Variants in NCS1 observed in about 807,000 individuals in gnomAD.
NCS1 encodes the protein neuronal calcium sensor 1.
A neutral mutation model predicts 28.4 loss-of-function variants in NCS1; 6 were observed. The ratio of observed to expected loss-of-function variants is 0.21; its 90% CI spans 0.12 to 0.42. The LOEUF is 0.42. Ranked by LOEUF, NCS1 falls within the 10% of genes least tolerant of loss-of-function variation. The probability of loss-of-function intolerance (pLI) is 1.00; values close to 1 mark genes in which losing one functional copy is unlikely to be tolerated. For synonymous variants in NCS1, 86 were observed against 99.3 expected, an observed-to-expected ratio of 0.87 and a Z score of 0.79; for missense variants, 131 against 241.4, an observed-to-expected ratio of 0.54 and a Z score of 3.03.
In NCS1 at chr9:130,226,369, C is replaced by T; in HGVS notation, c.475-20C>T. On this transcript the variant is annotated intron_variant, in intron 6 of 7. Coordinates refer to ENST00000372398, the MANE Select transcript of NCS1 (RefSeq NM_014286.4). The surrounding 1 kb of genome is among the most constrained non-coding windows in gnomAD (Gnocchi z 4.8). Reference sequence around the variant, plus strand: ...CTCCTGGGAGGCCCTGCACCCTCAGCCGCCTCTCTCTGCTCACAGAATGCC... The same window carrying T: ...CTCCTGGGAGGCCCTGCACCCTCAGTCGCCTCTCTCTGCTCACAGAATGCC... The T allele has an allele frequency of 6.2e-7, 1 of 1,606,292 alleles. No individual in the cohort carries two copies.
rs1404312259 is a variant in NCS1, at chr9:130,186,700, C to G, written c.64+13973C>G. The stretch of plus-strand genomic sequence containing the variant: ...CACACGGTCACATCTAATGTCATGG[C>G]CAGTAGAGCAGGGAGCCCTCTGGAT... On this transcript the variant is annotated intron_variant, in intron 1 of 7. Transcript: ENST00000372398. The surrounding 1 kb of genome is among the most constrained non-coding windows in gnomAD (Gnocchi z 4.1). 6.6e-6 allele frequency among the ~76,000 whole-genome samples: 1 copy of G among 152,160 alleles called. No homozygotes were observed. The highest frequency in any genetic ancestry group is 2.4e-5 in the African/African-American group (1 of 41,434).
intron 4 of NCS1, among the ~76,000 whole-genome samples, 183 bp from the exon 5 acceptor site, chr9:130,222,467 C>T (rs1554910702): frequency 6.6e-6 from 1 of 151,692 alleles, no homozygotes; most frequent in African/African-American, 2.4e-5. Flanking sequence ...TTTTTTTAAC[C>T]CTAGTTGCAA....
At chr9:130,225,048 C>T (rs562991085) in intron 6 of NCS1, among the ~76,000 whole-genome samples, 13 of 152,182 alleles carry the variant, frequency 8.5e-5, no homozygotes, top group East Asian at 3.9e-4. Context: ...AAAAATTAGC[C>T]GGGTGTGGTG....
rs1564714372 is a variant in NCS1, at chr9:130,223,031, G to T, written c.397-51G>T. ...CTGGGGGGCAAATGCGTGGCCAAGA[G>T]CCCAAAGCCCAGAGTGCCAGGGCCC... On this transcript the variant is annotated intron_variant, in intron 5 of 7. Transcript: ENST00000372398. The T allele has an allele frequency of 2.6e-6, 4 of 1,527,214 alleles. No individual in the cohort carries two copies. In the South Asian group the frequency reaches 4.5e-5, roughly 17 times the overall value. 94.6% of individuals were successfully genotyped at this position (1,527,214 alleles called of 1,614,324 possible).
At position 130,215,972 on chromosome 9, in the gene NCS1, C is replaced by T. The variant is rs1241690430; in HGVS notation, c.90-1860C>T. ...CTCCTCCCCTCAACCGCCCTCACTC[C>T]GGCAGCAGCAGCCACAGTACTGGCA... On this transcript the variant is annotated intron_variant, in intron 2 of 7. Coordinates refer to ENST00000372398, the MANE Select transcript of NCS1 (RefSeq NM_014286.4). The surrounding 1 kb of genome is among the most constrained non-coding windows in gnomAD (Gnocchi z 4.2). Among the ~76,000 whole-genome samples the T allele has an allele frequency of 6.6e-6, 1 of 152,188 alleles. No homozygotes were observed. The highest frequency in any genetic ancestry group is 2.4e-5 in the African/African-American group (1 of 41,444).
chr9:130,217,142 G>C (rs1554909521), intron 2 of NCS1, among the ~76,000 whole-genome samples: 1 of 152,236 alleles, frequency 6.6e-6, no homozygotes. Context: ...GCGTTTGCTT[G>C]AGGCTGTACA....
chr9:130,209,350 G>T lies in NCS1; in HGVS notation c.89+8368G>T, dbSNP rs1203786628. Among the ~76,000 whole-genome samples, 1 of 152,246 alleles carries T rather than the reference G, an allele frequency of 6.6e-6. No homozygotes were observed. The highest frequency in any genetic ancestry group is 1.5e-5 in the Non-Finnish European group (1 of 68,046). ...ACTGAGAGTGGCAAATTCGGGGGAA[G>T]TCCTAGAGGACCGGGGCGTTTGGGA... On this transcript the variant is annotated intron_variant, in intron 2 of 7. Transcript: ENST00000372398. This position sits in a 1 kb window ranked among gnomAD's most constrained non-coding sequence, Gnocchi z 4.4.
chr9:130,219,188 A>C lies in NCS1; in HGVS notation c.229-537A>C, dbSNP rs1346177504. Among the ~76,000 whole-genome samples the C allele has an allele frequency of 2.0e-5, 3 of 151,900 alleles. No individual in the cohort carries two copies. The highest frequency in any genetic ancestry group is 2.0e-4 in the Admixed American group (3 of 15,252). On this transcript the variant is annotated intron_variant, in intron 3 of 7. Transcript: ENST00000372398. The surrounding 1 kb of genome is among the most constrained non-coding windows in gnomAD (Gnocchi z 5.7). ...TGTCTCTGTACCCCCTGCTGCTGGC[A>C]CCGTGGAGGTTTCTATTCTATCCCA...
In NCS1 at chr9:130,186,005, C is replaced by T. The variant is rs1233824239; in HGVS notation, c.64+13278C>T. On this transcript the variant is annotated intron_variant, in intron 1 of 7. Transcript: ENST00000372398. This position sits in a 1 kb window ranked among gnomAD's most constrained non-coding sequence, Gnocchi z 4.1. ...TCAGGTTCTGTGGAGCTGGGGACGG[C>T]CTTGAGAAGAGATCTAGGTGCATCT... is the stretch of plus-strand genomic sequence containing the variant. Among the ~76,000 whole-genome samples the T allele has an allele frequency of 1.2e-4, 18 of 152,356 alleles. No individual in the cohort carries two copies. The highest frequency in any genetic ancestry group is 5.9e-4 in the Admixed American group (9 of 15,312).
At chr9:130,190,097 C>A (rs1167644110) in intron 1 of NCS1, among the ~76,000 whole-genome samples, 4 of 149,898 alleles carry the variant, frequency 2.7e-5, no homozygotes, top group African/African-American at 9.9e-5. Context: ...AGTTCCTTTA[C>A]TAGCCAGAAA....
At position 130,223,131 on chromosome 9, in the gene NCS1, T is replaced by G; in HGVS notation, c.446T>G (p.Val149Gly). ...PEEENTPEKR[V>G]DRIFAMMDKN... is the part of the protein sequence containing the mutation. ...GAGGAGAACACTCCTGAGAAGAGGG[T>G]GGACCGGATCTTTGCCATGATGGAT... The change falls in exon 6 of 8, where the codon GTG (valine) becomes GGG (glycine). Residue 149 changes from valine (V) to glycine (G), a missense_variant. By Grantham distance (109) the Val-to-Gly change is moderately radical. This residue lies in a region of NCS1 where 100 missense variants were observed against 210.3 expected (regional missense o/e 0.48). Transcript: ENST00000372398. The G allele has an allele frequency of 6.5e-7, 1 of 1,546,506 alleles. No individual in the cohort carries two copies. Among genetic ancestry groups the G allele is most frequent in the Admixed American group, 1.7e-5 (1 of 57,416 alleles).
chr9:130,192,987 A>G lies in NCS1; in HGVS notation c.65-7971A>G, dbSNP rs1411977391. On this transcript the variant is annotated intron_variant, in intron 1 of 7. Transcript: ENST00000372398. This position sits in a 1 kb window ranked among gnomAD's most constrained non-coding sequence, Gnocchi z 4.8. Reference sequence around the variant, plus strand: ...TGGGGAAAAAACCGGTCACACAGCAACGGAGTGGCAGATCCCTGGAGTCCA... The same window carrying G: ...TGGGGAAAAAACCGGTCACACAGCAGCGGAGTGGCAGATCCCTGGAGTCCA... Among the ~76,000 whole-genome samples the G allele has an allele frequency of 6.6e-6, 1 of 152,222 alleles. No homozygotes were observed. Among genetic ancestry groups the G allele is most frequent in the Non-Finnish European group, 1.5e-5 (1 of 68,036 alleles).
At chr9:130,228,949 C>T (rs1047899681) in intron 7 of NCS1, among the ~76,000 whole-genome samples, 6 of 152,010 alleles carry the variant, frequency 3.9e-5, no homozygotes, top group Admixed American at 6.5e-5. Context: ...GAACTGCAGG[C>T]GTGAGCCACC....
At chr9:130,221,322 C>T (rs1385445356) in intron 4 of NCS1, among the ~76,000 whole-genome samples, 1 of 144,900 alleles carries the variant, frequency 6.9e-6, no homozygotes, top group Non-Finnish European at 1.5e-5. Flanking sequence ...CCGTGCCTGG[C>T]CCTGTTATTT....
Position 130,200,994 on chromosome 9 carries a change from C to CT in NCS1, c.89+17dup. On this transcript the variant is annotated intron_variant, in intron 2 of 7. Transcript: ENST00000372398. Reference sequence around the variant, plus strand: ...GAGGTCCAGCAGTGGTGAGTAGCTGCTTTTTCTCAAACCGTAGAGGGGCTG... The same window carrying CT: ...GAGGTCCAGCAGTGGTGAGTAGCTGCTTTTTTCTCAAACCGTAGAGGGGCTG... 1 of 1,614,174 alleles carries CT rather than the reference C, an allele frequency of 6.2e-7. No homozygotes were observed.
At position 130,209,141 on chromosome 9, in the gene NCS1, G is replaced by A. The variant is rs1271710184; in HGVS notation, c.89+8159G>A. On this transcript the variant is annotated intron_variant, in intron 2 of 7. Coordinates refer to ENST00000372398, the MANE Select transcript of NCS1 (RefSeq NM_014286.4). This position sits in a 1 kb window ranked among gnomAD's most constrained non-coding sequence, Gnocchi z 4.4. ...GGGAGAATAATTTGCCGAGGCTGCC[G>A]CTGCGCCCATCCCCGCTGCGCCTGG... is the stretch of plus-strand genomic sequence containing the variant. Among the ~76,000 whole-genome samples the A allele has an allele frequency of 2.6e-5, 4 of 152,294 alleles. No homozygotes were observed. Among genetic ancestry groups the A allele is most frequent in the South Asian group, 2.1e-4 (1 of 4,824 alleles).
intron 2 of NCS1, among the ~76,000 whole-genome samples, chr9:130,208,701 G>A (rs114916071): frequency 3.9e-5 from 6 of 152,356 alleles, no homozygotes; most frequent in South Asian, 2.1e-4. Flanking sequence ...TCTGGGCCGC[G>A]CCATGCAGAG....
chr9:130,203,139 T>G (rs556693093), intron 2 of NCS1, among the ~76,000 whole-genome samples: 1 of 126,200 alleles, frequency 7.9e-6, no homozygotes, highest in Admixed American at 8.3e-5. Context: ...TATATATATT[T>G]TTTTTTTTTT....
At position 130,172,580 on chromosome 9, in the gene NCS1, G is replaced by GGCCCGGCCC. The variant is rs1832495662; in HGVS notation, c.-74_-66dup. The GGCCCGGCCC allele has an allele frequency of 4.3e-6, 3 of 705,840 alleles. No individual in the cohort carries two copies. Among genetic ancestry groups the GGCCCGGCCC allele is most frequent in the Middle Eastern group, 6.2e-4 (1 of 1,622 alleles). The allele number at this position is 705,840 out of a possible 1,614,324, so 43.7% of individuals were successfully genotyped here. On this transcript the variant is annotated 5_prime_UTR_variant, in exon 1 of 8. Transcript: ENST00000372398. ...GCGCCGCAGACAAAGGCGCGGCCCC[G>GGCCCGGCCC]GCCCGGCCCGCCCGGCCCAGCCGCT...
Sources: gnomAD v4.1 joint callset for allele counts (sites outside exome capture counted in the v4.1 genomes callset) on GRCh38, gnomAD v4.1.1 for gene constraint, gnomAD v4.1.1 regional missense constraint, Gnocchi (gnomAD v3.1) non-coding constraint, MANE v1.5 for transcripts, NCBI Gene and HGNC (gene_info 2026-07-23, HGNC 2026-07-21) for gene names.